Variants in IGF2BP1 observed in about 807,000 individuals in gnomAD.
The protein encoded by IGF2BP1 is insulin-like growth factor 2 mRNA-binding protein 1.
Under a neutral mutation model 74.9 loss-of-function variants are expected in IGF2BP1, and 11 were observed. That is an observed-to-expected ratio of 0.15 (90% CI 0.09 to 0.24). The LOEUF (loss-of-function observed/expected upper bound fraction) is 0.24, where lower values mean the gene tolerates loss of function less well. IGF2BP1 is among the 10% of genes least tolerant of loss of function. The probability of loss-of-function intolerance (pLI) is 1.00; values close to 1 mark genes in which losing one functional copy is unlikely to be tolerated. For synonymous variants in IGF2BP1, 287 were observed against 281.8 expected, an observed-to-expected ratio of 1.02 and a Z score of -0.18; for missense variants, 440 against 757.4, an observed-to-expected ratio of 0.58 and a Z score of 4.92.
chr17:49,012,035 C>T lies in IGF2BP1; in HGVS notation c.236+12866C>T, dbSNP rs117477799. On this transcript the variant is annotated intron_variant, in intron 2 of 14. Transcript: ENST00000290341. ...CAAGTGATTCTCCTGCCTTAGCCTC[C>T]TGAGTAGATACAGGCATGTGCCACC... Among the ~76,000 whole-genome samples, 245 of 151,850 alleles carry T rather than the reference C, an allele frequency of 1.6e-3. 4 individuals are homozygous for T. In the East Asian group the frequency reaches 0.041, roughly 25 times the overall value.
chr17:49,018,504 G>A (rs1472419879), intron 2 of IGF2BP1, among the ~76,000 whole-genome samples: 2 of 152,132 alleles, frequency 1.3e-5, no homozygotes, highest in Non-Finnish European at 2.9e-5. Context: ...GTTAAATTGT[G>A]TTAGGTGGGG....
chr17:49,016,399 TTGTGTGTGTGCGTGCGCACG>T (rs1350728503), intron 2 of IGF2BP1, among the ~76,000 whole-genome samples: 2 of 152,070 alleles, frequency 1.3e-5, no homozygotes, highest in East Asian at 1.9e-4. Flanking sequence ...GGTGTGTGTA[TTGTGTGTGTGCGTGCGCACG>T]TGTGTGTGTG....
chr17:49,011,704 T>C (rs560432011), intron 2 of IGF2BP1, among the ~76,000 whole-genome samples: 3 of 149,958 alleles, frequency 2.0e-5, no homozygotes, highest in Non-Finnish European at 4.4e-5. Context: ...AAAAAAAACG[T>C]TGGGAACAGG....
At chr17:49,022,807 T>C (rs1183188755) in intron 2 of IGF2BP1, among the ~76,000 whole-genome samples, 1 of 152,204 alleles carries the variant, frequency 6.6e-6, no homozygotes, top group Non-Finnish European at 1.5e-5. Flanking sequence ...CCTTAGATTG[T>C]ACTAAGGGAC....
At chr17:49,015,638 C>G (rs924325663) in intron 2 of IGF2BP1, among the ~76,000 whole-genome samples, 1 of 152,176 alleles carries the variant, frequency 6.6e-6, no homozygotes, top group Admixed American at 6.5e-5. Flanking sequence ...CCAGGGACCC[C>G]CCATTCTCTG....
chr17:49,030,141 C>CT (rs35530909), intron 4 of IGF2BP1, among the ~76,000 whole-genome samples: 9,750 of 120,726 alleles, frequency 0.081, 488 homozygotes, highest in Non-Finnish European at 0.11. Context: ...TTTAGCTGGA[C>CT]TTTTTTTTTT....
chr17:49,042,951 T>A (rs1684460777), intron 9 of IGF2BP1, among the ~76,000 whole-genome samples: 2 of 152,168 alleles, frequency 1.3e-5, no homozygotes. Flanking sequence ...CCCAAAGTAC[T>A]AGGATTATAA....
chr17:49,034,650 A>AGGAGGT (rs567626933), intron 5 of IGF2BP1, among the ~76,000 whole-genome samples: 272 of 150,890 alleles, frequency 1.8e-3, no homozygotes, highest in Middle Eastern at 0.017. Flanking sequence ...GCTTGAGCCC[A>AGGAGGT]GGAGGTGGAG....
intron 2 of IGF2BP1, chr17:49,014,803 C>T (rs895508710): frequency 3.0e-6 from 3 of 985,246 alleles, no homozygotes; most frequent in Admixed American, 6.1e-5. Context: ...CCGAGGAGCA[C>T]GGGGATGTCT....
At chr17:49,021,732 TC>T (rs2041795309) in intron 2 of IGF2BP1, among the ~76,000 whole-genome samples, 1 of 152,190 alleles carries the variant, frequency 6.6e-6, no homozygotes, top group Admixed American at 6.5e-5. Flanking sequence ...GAGTTCACCT[TC>T]CTTTTCTGAA....
chr17:49,037,330 C>A, intron 5 of IGF2BP1: 4 of 498,576 alleles, frequency 8.0e-6, no homozygotes, highest in East Asian at 4.6e-5. Flanking sequence ...AATGATCCAG[C>A]CTTTTATGAA....
At chr17:49,031,446 G>A (rs185837468) in intron 4 of IGF2BP1, among the ~76,000 whole-genome samples, 3 of 151,672 alleles carry the variant, frequency 2.0e-5, no homozygotes, top group African/African-American at 7.3e-5. Flanking sequence ...AAGGGGAAAA[G>A]TTTTTTGCCT....
intron 2 of IGF2BP1, among the ~76,000 whole-genome samples, chr17:49,019,923 T>TACAC (rs1334409095): frequency 1.7e-5 from 1 of 58,002 alleles, no homozygotes; most frequent in African/African-American, 9.9e-5. Flanking sequence ...TATATATATA[T>TACAC]ATATATATAT....
intron 2 of IGF2BP1, among the ~76,000 whole-genome samples, chr17:49,023,311 A>T (rs543467567): frequency 6.6e-6 from 1 of 152,350 alleles, no homozygotes; most frequent in South Asian, 2.1e-4. Flanking sequence ...AAAGACAGAG[A>T]TTCTCTTCAA....
chr17:49,049,098 C>T (rs2042138027), intron 14 of IGF2BP1, among the ~76,000 whole-genome samples: 1 of 152,116 alleles, frequency 6.6e-6, no homozygotes, highest in African/African-American at 2.4e-5. Flanking sequence ...TTTCTCCTTC[C>T]TTCAAGTCCC....
At chr17:49,008,599 G>C (rs1332305603) in intron 2 of IGF2BP1, among the ~76,000 whole-genome samples, 2 of 152,136 alleles carry the variant, frequency 1.3e-5, no homozygotes, top group Non-Finnish European at 2.9e-5. Context: ...TGGCCATCTT[G>C]AATGAGTAGT....
intron 4 of IGF2BP1, among the ~76,000 whole-genome samples, chr17:49,027,030 T>C (rs554285311): frequency 6.6e-6 from 1 of 152,276 alleles, no homozygotes; most frequent in East Asian, 1.9e-4. Flanking sequence ...CGTGAGCCAT[T>C]GCGCCCGGCC....
rs1015475424 is a variant in IGF2BP1, at chr17:48,998,288, C to T, written c.175+368C>T. 3.2e-4 allele frequency among the ~76,000 whole-genome samples: 49 copies of T among 152,186 alleles called. 1 individual carries two copies. ...TTTCCACGCCCAGCCCCTCCCTATC[C>T]GCCGGTGGACGCCCCCCCAGCTGGA... On this transcript the variant is annotated intron_variant, in intron 1 of 14. Transcript: ENST00000290341.
In IGF2BP1 at chr17:48,999,197, TG is replaced by T. The variant is rs376893870; in HGVS notation, c.236+35del. On this transcript the variant is annotated intron_variant, in intron 2 of 14. Coordinates refer to ENST00000290341, the MANE Select transcript of IGF2BP1 (RefSeq NM_006546.4). The stretch of plus-strand genomic sequence containing the variant: ...AGGAAAGAGCTCTTTTCGGGGGGGG[TG>T]GGGGGGCCGCGGGGGTGTGCTGTGA... The T allele has an allele frequency of 8.6e-4, 266 of 307,584 alleles. 17 individuals are homozygous for T. Among genetic ancestry groups the T allele is most frequent in the African/African-American group, 1.0e-3 (16 of 15,626 alleles). The allele number at this position is 307,584 out of a possible 1,614,324, so 19.1% of individuals were successfully genotyped here.
Sources: allele counts gnomAD v4.1 joint callset (sites outside exome capture counted in the v4.1 genomes callset), GRCh38; gene constraint gnomAD v4.1.1; transcripts MANE v1.5; gene names NCBI Gene and HGNC (gene_info 2026-07-23, HGNC 2026-07-21).